The following SYTL1 variants were observed in gnomAD, a reference collection of about 807,000 sequenced individuals.
SYTL1 encodes synaptotagmin like 1.
Under a neutral mutation model 74.6 loss-of-function variants are expected in SYTL1, and 53 were observed. The observed-to-expected ratio is 0.71, with a 90% confidence interval of 0.57 to 0.89. The LOEUF is 0.89. Ranked by LOEUF, SYTL1 falls within the 40% of genes least tolerant of loss-of-function variation. The pLI, the probability that SYTL1 is intolerant of heterozygous loss-of-function variation, is 0.00. For missense variants in SYTL1, 728 were observed against 768.7 expected (o/e 0.95, Z 0.63); for synonymous variants, 329 against 324.9 (o/e 1.01, Z -0.14).
intron 8 of SYTL1, 25 bp from the exon 9 acceptor site, chr1:27,349,947 G>A (rs1486701255): frequency 6.4e-7 from 1 of 1,568,462 alleles, no homozygotes; most frequent in Non-Finnish European, 8.6e-7. Context: ...GAGCGGCCCT[G>A]ACTCCCACCC....
At position 27,351,462 on chromosome 1, in the gene SYTL1, G is replaced by A; in HGVS notation, c.1250G>A (p.Gly417Glu). The change falls in exon 13 of 15, where the codon GGA becomes GAA. Residue 417 changes from glycine to glutamate, a missense_variant. Physicochemically the swap from Gly to Glu is moderately conservative, Grantham distance 98. Coordinates refer to ENST00000616558, the MANE Select transcript of SYTL1 (RefSeq NM_001193308.2). This position sits in a 1 kb window ranked among gnomAD's most constrained non-coding sequence, Gnocchi z 5.0. ...GAGCCGAGCCTCTCCGCAGGCGCAG[G>A]ACTGCCCCCGAGCGGGGAGCTGCAC... ...KYVPAGSEGA[G>E]LPPSGELHFW... is the part of the protein sequence containing the mutation. 2 of 1,539,348 alleles carry A rather than the reference G, an allele frequency of 1.3e-6. No individual in the cohort carries two copies. Among genetic ancestry groups the A allele is most frequent in the Non-Finnish European group, 1.8e-6 (2 of 1,141,380 alleles).
rs2015253287 is a variant in SYTL1 at position 27,351,153 on chromosome 1, GCC to G, written c.1165-102_1165-101del. The G allele has an allele frequency of 7.1e-7, 1 of 1,405,794 alleles. No individual in the cohort carries two copies. The highest frequency in any genetic ancestry group is 9.7e-7 in the Non-Finnish European group (1 of 1,035,796). 87.1% of individuals were successfully genotyped at this position (1,405,794 alleles called of 1,614,324 possible). A position where few individuals can be genotyped will look rare whatever the true frequency, so the allele number is the denominator to read the frequency against. Reference sequence around the variant, plus strand: ...GGACCCCTAGGTTCTGCCCCTGCAGGCCCCGCCGTCTCTTCTAGCCGCACCCC... The same window carrying G: ...GGACCCCTAGGTTCTGCCCCTGCAGGCCGCCGTCTCTTCTAGCCGCACCCC... On this transcript the variant is annotated intron_variant, in intron 11 of 14. Transcript: ENST00000616558. This position sits in a 1 kb window ranked among gnomAD's most constrained non-coding sequence, Gnocchi z 5.0.
At position 27,345,138 on chromosome 1, in the gene SYTL1, A is replaced by C; in HGVS notation, c.-38-159A>C. 1 of 485,342 alleles carries C rather than the reference A, an allele frequency of 2.1e-6. No homozygotes were observed. Among genetic ancestry groups the C allele is most frequent in the South Asian group, 3.3e-5 (1 of 30,084 alleles). 30.1% of individuals were successfully genotyped at this position (485,342 alleles called of 1,614,324 possible). A position where few individuals can be genotyped will look rare whatever the true frequency, so the allele number is the denominator to read the frequency against. On this transcript the variant is annotated intron_variant, in intron 1 of 14. Coordinates refer to ENST00000616558, the MANE Select transcript of SYTL1 (RefSeq NM_001193308.2). The surrounding 1 kb of genome is among the most constrained non-coding windows in gnomAD (Gnocchi z 6.0). ...AGTGTGTTCAAGGGCTAGTGTATGCATGTGTGCATGAGTGTCTCTCACCCC... is the reference window on the plus strand; with the variant it reads ...AGTGTGTTCAAGGGCTAGTGTATGCCTGTGTGCATGAGTGTCTCTCACCCC...
chr1:27,345,514 G>A lies in SYTL1; in HGVS notation c.180G>A (p.Glu60=). The A allele has an allele frequency of 2.6e-6, 4 of 1,553,044 alleles. No individual in the cohort carries two copies. The highest frequency in any genetic ancestry group is 3.5e-6 in the Non-Finnish European group (4 of 1,147,680). ...QRDARLRQLE[E]GRVSKLRASV... is the part of the protein sequence containing the mutation. ...ATGCCCGCCTGCGCCAGCTGGAGGA[G>A]GGGCGGGTCAGGTAAGGCAGGGCAG... is the stretch of plus-strand genomic sequence containing the variant. Residue 60 remains glutamate (E), a synonymous_variant, in exon 2 of 15, where the codon GAG becomes GAA. Transcript: ENST00000616558. The surrounding 1 kb of genome is among the most constrained non-coding windows in gnomAD (Gnocchi z 6.0).
At position 27,350,286 on chromosome 1, in the gene SYTL1, C is replaced by T; in HGVS notation, c.909-103C>T. On this transcript the variant is annotated intron_variant, in intron 9 of 14. Coordinates refer to ENST00000616558, the MANE Select transcript of SYTL1 (RefSeq NM_001193308.2). This position sits in a 1 kb window ranked among gnomAD's most constrained non-coding sequence, Gnocchi z 6.3. ...GAGACAATCCCTGTAAAGCGCTTAG[C>T]ACGAGGCCTGGCACGTGTTCGGGAT... 6.7e-7 allele frequency: 1 copy of T among 1,483,420 alleles called. No homozygotes were observed. The highest frequency in any genetic ancestry group is 9.4e-7 in the Non-Finnish European group (1 of 1,061,562). 91.9% of individuals were successfully genotyped at this position (1,483,420 alleles called of 1,614,324 possible).
Position 27,349,167 on chromosome 1 carries a change from C to T in SYTL1, c.532+15C>T. The T allele has an allele frequency of 1.2e-6, 2 of 1,612,264 alleles. No individual in the cohort carries two copies. Among genetic ancestry groups the T allele is most frequent in the Non-Finnish European group, 1.7e-6 (2 of 1,178,492 alleles). ...GGCCCAGGAAGGTGAGTGGGAGCGC[C>T]TGTTGGGGAGCACGGAGAGGTTTCG... is the stretch of plus-strand genomic sequence containing the variant. On this transcript the variant is annotated intron_variant, in intron 6 of 14. Transcript: ENST00000616558.
In SYTL1 at chr1:27,351,059, C is replaced by G; in HGVS notation, c.1164+107C>G. ...ACACCCCGCCTTCGACAGAACCTCC[C>G]CTCAACCTCTTAACCTCATGGCCCC... On this transcript the variant is annotated intron_variant, in intron 11 of 14. Coordinates refer to ENST00000616558, the MANE Select transcript of SYTL1 (RefSeq NM_001193308.2). This position sits in a 1 kb window ranked among gnomAD's most constrained non-coding sequence, Gnocchi z 5.0. 1 of 1,417,948 alleles carries G rather than the reference C, an allele frequency of 7.1e-7. No homozygotes were observed. The highest frequency in any genetic ancestry group is 2.5e-5 in the East Asian group (1 of 40,682). 87.8% of individuals were successfully genotyped at this position (1,417,948 alleles called of 1,614,324 possible).
At position 27,348,771 on chromosome 1, in the gene SYTL1, AAAAAAT is replaced by A. The variant is rs1469113838; in HGVS notation, c.460-297_460-292del. On this transcript the variant is annotated intron_variant, in intron 5 of 14. Coordinates refer to ENST00000616558, the MANE Select transcript of SYTL1 (RefSeq NM_001193308.2). The surrounding 1 kb of genome is among the most constrained non-coding windows in gnomAD (Gnocchi z 4.1). ...AGGTTGTCTACCAATGGGTCAATAT[AAAAAAT>A]AAAAATAAAAAAAGGAGTGAGAAAG... is the stretch of plus-strand genomic sequence containing the variant. Among the ~76,000 whole-genome samples, 2 of 152,222 alleles carry A rather than the reference AAAAAAT, an allele frequency of 1.3e-5. No homozygotes were observed. The highest frequency in any genetic ancestry group is 1.9e-4 in the East Asian group (1 of 5,202).
intron 5 of SYTL1, 67 bp from the exon 6 acceptor site, chr1:27,349,013 C>A: frequency 7.8e-7 from 1 of 1,289,962 alleles, no homozygotes; most frequent in Non-Finnish European, 1.1e-6. Context: ...CCTCTGACCC[C>A]AATATGACCT....
chr1:27,351,117 C>G lies in SYTL1; in HGVS notation c.1165-141C>G, dbSNP rs1210656084. The G allele has an allele frequency of 1.4e-5, 19 of 1,316,230 alleles. No homozygotes were observed. Among genetic ancestry groups the G allele is most frequent in the Non-Finnish European group, 2.0e-5 (19 of 968,346 alleles). 81.5% of individuals were successfully genotyped at this position (1,316,230 alleles called of 1,614,324 possible). ...GCCCGGCCGGCCACGGCCCCTTCCC[C>G]GAGGGCGCTAGGACCCCTAGGTTCT... On this transcript the variant is annotated intron_variant, in intron 11 of 14. Coordinates refer to ENST00000616558, the MANE Select transcript of SYTL1 (RefSeq NM_001193308.2). The surrounding 1 kb of genome is among the most constrained non-coding windows in gnomAD (Gnocchi z 5.0).
chr1:27,349,605 C>T (rs1464759519), intron 7 of SYTL1, 47 bp from the exon 8 acceptor site: 1 of 1,557,350 alleles, frequency 6.4e-7, no homozygotes, highest in Admixed American at 1.9e-5. Flanking sequence ...GCGCTCGGGG[C>T]AGGGGTGGGG....
At chr1:27,349,540 G>C in intron 7 of SYTL1, 42 bp downstream of exon 7, 7 of 1,464,522 alleles carry the variant, frequency 4.8e-6, no homozygotes, top group Non-Finnish European at 6.3e-6. Context: ...CATCCGGAGC[G>C]GACTCCGGGC....
chr1:27,351,702 C>T lies in SYTL1; in HGVS notation c.1343+147C>T. On this transcript the variant is annotated intron_variant, in intron 13 of 14. Coordinates refer to ENST00000616558, the MANE Select transcript of SYTL1 (RefSeq NM_001193308.2). This position sits in a 1 kb window ranked among gnomAD's most constrained non-coding sequence, Gnocchi z 5.0. ...GTGAAGGGGACGGTTTGAGCAAAGGCCTGGAGTCAGGGAAGTTGAGGACAC... is the reference window on the plus strand; with the variant it reads ...GTGAAGGGGACGGTTTGAGCAAAGGTCTGGAGTCAGGGAAGTTGAGGACAC... 1 of 570,444 alleles carries T rather than the reference C, an allele frequency of 1.8e-6. No homozygotes were observed. The allele number at this position is 570,444 out of a possible 1,614,324, so 35.3% of individuals were successfully genotyped here.
At chr1:27,349,259 C>G (rs2015133263) in intron 6 of SYTL1, 107 bp downstream of exon 6, 1 of 1,476,912 alleles carries the variant, frequency 6.8e-7, no homozygotes, top group African/African-American at 1.4e-5. Flanking sequence ...CACTCCCACC[C>G]CGCGTCGGAG....
chr1:27,347,429 G>T lies in SYTL1; in HGVS notation c.200G>T (p.Arg67Leu). ...QLEEGRVSKL[R>L]ASVADPGQLK... ...CCTCCCCCTTCCTCCAGCAAGCTCC[G>T]GGCCTCAGTGGCAGACCCTGGGCAG... The change falls in exon 3 of 15, where the codon CGG becomes CTG. Residue 67 changes from arginine to leucine, a missense_variant. By Grantham distance (102) the Arg-to-Leu change is moderately radical (BLOSUM62 -2). Transcript: ENST00000616558. This position sits in a 1 kb window ranked among gnomAD's most constrained non-coding sequence, Gnocchi z 4.9. 1 of 1,614,030 alleles carries T rather than the reference G, an allele frequency of 6.2e-7. No homozygotes were observed. The highest frequency in any genetic ancestry group is 8.5e-7 in the Non-Finnish European group (1 of 1,180,028).
intron 6 of SYTL1, 78 bp from the exon 7 acceptor site, chr1:27,349,320 G>A (rs2015135950): frequency 6.9e-7 from 1 of 1,452,468 alleles, no homozygotes; most frequent in Non-Finnish European, 9.1e-7. Flanking sequence ...AGCTCGCTGG[G>A]GTTGTAAACC....
Position 27,351,009 on chromosome 1 carries a change from C to A in SYTL1, c.1164+57C>A. ...CGGCCCGGGTCTCCTGCATTTACCC[C>A]ACCAGGCTCTCCCGCAGCCCCCTCA... On this transcript the variant is annotated intron_variant, in intron 11 of 14. Coordinates refer to ENST00000616558, the MANE Select transcript of SYTL1 (RefSeq NM_001193308.2). This position sits in a 1 kb window ranked among gnomAD's most constrained non-coding sequence, Gnocchi z 5.0. The A allele has an allele frequency of 1.3e-6, 2 of 1,591,746 alleles. No homozygotes were observed. The highest frequency in any genetic ancestry group is 1.1e-5 in the South Asian group (1 of 90,146).
At chr1:27,344,461 G>A (rs540513340) in intron 1 of SYTL1, among the ~76,000 whole-genome samples, 6 of 150,676 alleles carry the variant, frequency 4.0e-5, no homozygotes, top group African/African-American at 1.5e-4. Flanking sequence ...GGCTGGTCTT[G>A]AACTCCTGAC....
In SYTL1 at chr1:27,350,244, G is replaced by A. The variant is rs891401971; in HGVS notation, c.908+112G>A. On this transcript the variant is annotated intron_variant, in intron 9 of 14. Transcript: ENST00000616558. This position sits in a 1 kb window ranked among gnomAD's most constrained non-coding sequence, Gnocchi z 6.3. The stretch of plus-strand genomic sequence containing the variant: ...AAAATGGGAACAACAGCGTTATTGG[G>A]AGGCGTGCGATTAAGCGAGACAATC... 8.8e-6 allele frequency: 13 copies of A among 1,483,352 alleles called. No homozygotes were observed. The African/African-American group carries it at 1.8e-4, about 21-fold the overall frequency. The allele number at this position is 1,483,352 out of a possible 1,614,324, so 91.9% of individuals were successfully genotyped here. A position where few individuals can be genotyped will look rare whatever the true frequency, so the allele number is the denominator to read the frequency against.
Sources: allele counts gnomAD v4.1 joint callset (sites outside exome capture counted in the v4.1 genomes callset), GRCh38; gene constraint gnomAD v4.1.1; non-coding constraint Gnocchi (gnomAD v3.1); transcripts MANE v1.5; gene names NCBI Gene and HGNC (gene_info 2026-07-23, HGNC 2026-07-21).